WASF3: variants seen among roughly 807,000 people sequenced by gnomAD.
WASF3 encodes the protein actin-binding protein WASF3.
In WASF3, 11 loss-of-function variants were observed where a neutral mutation model predicts 46.6. The observed-to-expected ratio is 0.24, with a 90% CI of 0.15 to 0.39. WASF3 has a LOEUF of 0.39. WASF3 is among the 10% of genes least tolerant of loss of function. The probability of loss-of-function intolerance (pLI) is 1.00; values close to 1 mark genes in which losing one functional copy is unlikely to be tolerated. For missense variants in WASF3, 576 were observed against 669.8 expected (o/e 0.86, Z 1.55); for synonymous variants, 242 against 259.7 (o/e 0.93, Z 0.65).
chr13:26,664,965 T>G, intron 3 of WASF3, 63 bp from the exon 4 acceptor site: 1 of 1,557,922 alleles, frequency 6.4e-7, no homozygotes, highest in South Asian at 1.1e-5. Context: ...CTGGTGAGGA[T>G]GTGTGAGGGC....
the WASF3 span, among the ~76,000 whole-genome samples, chr13:26,541,930 G>A: frequency 5.3e-5 from 8 of 152,068 alleles, no homozygotes; most frequent in Non-Finnish European, 8.8e-5. Context: ...GAATGTACCC[G>A]GCCTTCTCTG....
intron 1 of WASF3, among the ~76,000 whole-genome samples, chr13:26,609,746 G>C (rs1171000300): frequency 6.6e-6 from 1 of 152,038 alleles, no homozygotes; most frequent in African/African-American, 2.4e-5. Context: ...ATTTTAGCGG[G>C]GAGAGGTCCT....
chr13:26,617,670 A>G (rs1207737702), intron 2 of WASF3, among the ~76,000 whole-genome samples: 1 of 152,218 alleles, frequency 6.6e-6, no homozygotes, highest in Non-Finnish European at 1.5e-5. Flanking sequence ...CTCATTTTAT[A>G]AGAATTAAAT....
chr13:26,649,520 A>T (rs570792364), intron 3 of WASF3, among the ~76,000 whole-genome samples: 5 of 152,212 alleles, frequency 3.3e-5, no homozygotes, highest in African/African-American at 7.2e-5. Context: ...AAGATCCATC[A>T]AAGAACTGAA....
At chr13:26,579,911 A>G (rs1340177371) in intron 1 of WASF3, among the ~76,000 whole-genome samples, 1 of 152,210 alleles carries the variant, frequency 6.6e-6, no homozygotes, top group Non-Finnish European at 1.5e-5. Flanking sequence ...TGTCCAACCT[A>G]TGGCCCATGG....
the WASF3 span, among the ~76,000 whole-genome samples, chr13:26,544,075 C>T: frequency 4.2e-4 from 64 of 152,238 alleles, 1 homozygote; most frequent in African/African-American, 1.4e-3. Context: ...ATTTGAGAGG[C>T]ACAGGAAGAA....
At chr13:26,573,062 G>C (rs551414485) in intron 1 of WASF3, among the ~76,000 whole-genome samples, 1 of 152,214 alleles carries the variant, frequency 6.6e-6, no homozygotes, top group East Asian at 1.9e-4. Flanking sequence ...GGGATTATCT[G>C]GTTTGTATAG....
At chr13:26,669,340 A>G (rs1453764772) in intron 5 of WASF3, among the ~76,000 whole-genome samples, 1 of 130,112 alleles carries the variant, frequency 7.7e-6, no homozygotes, top group African/African-American at 3.0e-5. Flanking sequence ...GCCTCCTGAT[A>G]TCTTTGACTT....
intron 3 of WASF3, among the ~76,000 whole-genome samples, chr13:26,643,806 G>A (rs1364309836): frequency 1.3e-5 from 2 of 152,150 alleles, no homozygotes; most frequent in Non-Finnish European, 2.9e-5. Flanking sequence ...TGTGTTTATG[G>A]TGTTTGCTTG....
intron 2 of WASF3, among the ~76,000 whole-genome samples, chr13:26,615,175 T>C (rs951292250): frequency 4.6e-5 from 7 of 152,174 alleles, no homozygotes; most frequent in Non-Finnish European, 2.9e-5. Context: ...TAGTCCTGTG[T>C]GTGGCTAACA....
Position 26,662,867 on chromosome 13 carries a change from T to TCATACA in WASF3, c.134-2131_134-2126dup, listed in dbSNP as rs59001910. On this transcript the variant is annotated intron_variant, in intron 3 of 9. Transcript: ENST00000335327. ...AGTGCAGTGCACAGGGCCCTCTGTG[T>TCATACA]CATACACATACACATACACATACAC... Among the ~76,000 whole-genome samples the TCATACA allele has an allele frequency of 6.4e-3, 966 of 151,372 alleles. 9 individuals are homozygous for TCATACA. The highest frequency in any genetic ancestry group is 0.022 in the African/African-American group (914 of 41,136).
In WASF3 at chr13:26,687,033, G is replaced by C. The variant is rs966384090; in HGVS notation, c.*1188G>C. On this transcript the variant is annotated 3_prime_UTR_variant, in exon 10 of 10. Coordinates refer to ENST00000335327, the MANE Select transcript of WASF3 (RefSeq NM_006646.6). ...AAAAAGCACCTCATGAGATTCCCTTGATCAGCCCTGCAGCTGTAGTACAGT... is the reference window on the plus strand; with the variant it reads ...AAAAAGCACCTCATGAGATTCCCTTCATCAGCCCTGCAGCTGTAGTACAGT... The C allele has an allele frequency of 6.6e-6, 1 of 152,256 alleles. No individual in the cohort carries two copies. Among genetic ancestry groups the C allele is most frequent in the Non-Finnish European group, 1.5e-5 (1 of 68,084 alleles). The allele number at this position is 152,256 out of a possible 1,614,324, so 9.4% of individuals were successfully genotyped here. A position where few individuals can be genotyped will look rare whatever the true frequency, so the allele number is the denominator to read the frequency against.
intron 5 of WASF3, among the ~76,000 whole-genome samples, chr13:26,670,806 A>G (rs1343624283): frequency 6.6e-6 from 1 of 152,230 alleles, no homozygotes; most frequent in African/African-American, 2.4e-5. Flanking sequence ...TGTGAGTTGC[A>G]CTGGCTCTTC....
intron 3 of WASF3, among the ~76,000 whole-genome samples, chr13:26,664,197 C>G (rs1463421759): frequency 6.6e-6 from 1 of 152,180 alleles, no homozygotes; most frequent in African/African-American, 2.4e-5. Flanking sequence ...TTCAGGTTCT[C>G]TCTCTCATTT....
At chr13:26,666,069 A>G (rs181905867) in intron 4 of WASF3, among the ~76,000 whole-genome samples, 4 of 152,308 alleles carry the variant, frequency 2.6e-5, no homozygotes, top group South Asian at 4.1e-4. Context: ...TTTAAAAAAT[A>G]TATGTTATCT....
the WASF3 span, among the ~76,000 whole-genome samples, chr13:26,545,121 G>A: frequency 1.3e-5 from 2 of 152,182 alleles, no homozygotes; most frequent in African/African-American, 4.8e-5. Context: ...TGGGATAAAT[G>A]GGATCGACAT....
chr13:26,635,747 C>G (rs531492048), intron 2 of WASF3, among the ~76,000 whole-genome samples: 2 of 152,314 alleles, frequency 1.3e-5, no homozygotes, highest in East Asian at 3.9e-4. Context: ...CAGTCAGGTC[C>G]CTCAGCTGCA....
intron 3 of WASF3, among the ~76,000 whole-genome samples, chr13:26,663,135 A>G (rs1479988359): frequency 6.6e-6 from 1 of 152,034 alleles, no homozygotes; most frequent in Non-Finnish European, 1.5e-5. Context: ...AGAGAGAGGG[A>G]GCTGTCACAA....
At chr13:26,644,189 G>A (rs1436949694) in intron 3 of WASF3, among the ~76,000 whole-genome samples, 1 of 152,182 alleles carries the variant, frequency 6.6e-6, no homozygotes, top group Non-Finnish European at 1.5e-5. Flanking sequence ...GGAGAAGCTG[G>A]AGAAGGCAAG....
Sources: gnomAD v4.1 joint callset for allele counts (sites outside exome capture counted in the v4.1 genomes callset) on GRCh38, gnomAD v4.1.1 for gene constraint, MANE v1.5 for transcripts, NCBI Gene and HGNC (gene_info 2026-07-23, HGNC 2026-07-21) for gene names.